Variants in LINGO2 observed in about 807,000 individuals in gnomAD.
LINGO2 encodes leucine-rich repeat and immunoglobulin-like domain-containing nogo receptor-interacting protein 2.
A neutral mutation model predicts 30.6 loss-of-function variants in LINGO2; 14 were observed. That is an observed-to-expected ratio of 0.46 (90% CI 0.30 to 0.72). LINGO2 has a LOEUF of 0.72. Among genes scored for constraint, LINGO2 ranks in the 30% least tolerant of loss-of-function variants. The probability of loss-of-function intolerance (pLI) is 0.07; values close to 1 mark genes in which losing one functional copy is unlikely to be tolerated. For synonymous variants in LINGO2, 317 were observed against 288.5 expected (o/e 1.10, Z -1.00); for missense variants, 729 against 751.7 (o/e 0.97, Z 0.35).
At chr9:29,179,956 TA>T in the LINGO2 span, among the ~76,000 whole-genome samples, 1 of 152,210 alleles carries the variant, frequency 6.6e-6, no homozygotes, top group Non-Finnish European at 1.5e-5. Flanking sequence ...AATTAGCAGT[TA>T]AAAGGGAGCA....
intron 1 of LINGO2, among the ~76,000 whole-genome samples, chr9:28,562,028 C>A (rs141722257): frequency 3.0e-4 from 46 of 151,792 alleles, no homozygotes; most frequent in African/African-American, 1.0e-3. Context: ...TCTGCAATAG[C>A]CACTTTGAAC....
At chr9:28,993,042 C>T in the LINGO2 span, among the ~76,000 whole-genome samples, 1 of 151,880 alleles carries the variant, frequency 6.6e-6, no homozygotes, top group African/African-American at 2.4e-5. Context: ...AATAGAGACA[C>T]AAAAAACCCT....
the LINGO2 span, among the ~76,000 whole-genome samples, chr9:28,773,946 G>C: frequency 1.3e-5 from 2 of 151,708 alleles, no homozygotes; most frequent in African/African-American, 4.8e-5. Context: ...TATAACTGAG[G>C]AATTGGTATT....
At chr9:28,555,489 A>G (rs1044223832) in intron 1 of LINGO2, among the ~76,000 whole-genome samples, 1 of 151,904 alleles carries the variant, frequency 6.6e-6, no homozygotes, top group Non-Finnish European at 1.5e-5. Context: ...AGGATCTGAA[A>G]TTGTGGCAAT....
intron 1 of LINGO2, among the ~76,000 whole-genome samples, chr9:28,481,584 C>T (rs13295434): frequency 3.3e-5 from 5 of 152,034 alleles, no homozygotes; most frequent in East Asian, 3.9e-4. Context: ...GAAATGCTGT[C>T]GCCCTCCTCT....
intron 5 of LINGO2, among the ~76,000 whole-genome samples, chr9:27,995,881 A>C (rs1309713798): frequency 6.6e-6 from 1 of 152,202 alleles, no homozygotes; most frequent in Admixed American, 6.5e-5. Context: ...ATACAGCAGA[A>C]AGAGATACAA....
chr9:28,266,528 A>C (rs551768411), intron 4 of LINGO2, among the ~76,000 whole-genome samples: 1 of 152,114 alleles, frequency 6.6e-6, no homozygotes, highest in South Asian at 2.1e-4. Flanking sequence ...ATTTCAAATC[A>C]GTTAACAGAA....
chr9:28,098,737 T>C (rs1826323331), intron 4 of LINGO2, among the ~76,000 whole-genome samples: 1 of 152,122 alleles, frequency 6.6e-6, no homozygotes. Flanking sequence ...TTATAAAATA[T>C]CAAGAGTTCA....
the LINGO2 span, among the ~76,000 whole-genome samples, chr9:28,718,399 T>C: frequency 6.6e-6 from 1 of 152,022 alleles, no homozygotes. Context: ...ATACATAAAC[T>C]ACACAACCTC....
chr9:29,198,693 T>C, the LINGO2 span, among the ~76,000 whole-genome samples: 1 of 152,010 alleles, frequency 6.6e-6, no homozygotes, highest in Non-Finnish European at 1.5e-5. Context: ...TTAGCTACAG[T>C]CTCCCTGGGA....
At chr9:28,871,424 T>G in the LINGO2 span, among the ~76,000 whole-genome samples, 3 of 151,628 alleles carry the variant, frequency 2.0e-5, no homozygotes, top group East Asian at 5.8e-4. Context: ...GAATGGAAAG[T>G]GGGAGGGAAA....
At chr9:28,748,794 AG>A in the LINGO2 span, among the ~76,000 whole-genome samples, 1 of 151,958 alleles carries the variant, frequency 6.6e-6, no homozygotes, top group Non-Finnish European at 1.5e-5. Flanking sequence ...AACCTTTAGC[AG>A]AAGTATAGAC....
chr9:28,363,418 A>G (rs1701424706), intron 3 of LINGO2, among the ~76,000 whole-genome samples: 1 of 152,220 alleles, frequency 6.6e-6, no homozygotes, highest in African/African-American at 2.4e-5. Context: ...CTCTGCTAGT[A>G]TGTAATTTGA....
chr9:28,405,396 G>A (rs1216727463), intron 2 of LINGO2, among the ~76,000 whole-genome samples: 1 of 152,054 alleles, frequency 6.6e-6, no homozygotes, highest in Non-Finnish European at 1.5e-5. Context: ...CTTCATTCCT[G>A]TCTTCTCAGG....
the LINGO2 span, among the ~76,000 whole-genome samples, chr9:29,202,346 A>G: frequency 2.0e-5 from 3 of 152,028 alleles, no homozygotes. Flanking sequence ...AGTTGCATGA[A>G]TCCCAACGTG....
intron 4 of LINGO2, among the ~76,000 whole-genome samples, chr9:28,265,036 T>A (rs117140897): frequency 6.6e-6 from 1 of 152,048 alleles, no homozygotes; most frequent in East Asian, 1.9e-4. Flanking sequence ...AAACTCAAGA[T>A]GACAATATCA....
chr9:28,520,900 T>G (rs959226869), intron 1 of LINGO2, among the ~76,000 whole-genome samples: 3 of 152,214 alleles, frequency 2.0e-5, no homozygotes, highest in Non-Finnish European at 4.4e-5. Context: ...AATATTAGCA[T>G]TGAAGATGTG....
At chr9:28,963,686 C>A in the LINGO2 span, among the ~76,000 whole-genome samples, 1 of 151,632 alleles carries the variant, frequency 6.6e-6, no homozygotes, top group African/African-American at 2.4e-5. Flanking sequence ...TGCAGAAAGA[C>A]AAATACCATA....
chr9:27,963,760 A>C (rs930014751), intron 5 of LINGO2, among the ~76,000 whole-genome samples: 12 of 151,260 alleles, frequency 7.9e-5, no homozygotes, highest in Non-Finnish European at 1.3e-4. Context: ...AAAAGCAAGC[A>C]AAGGTTTTAA....
Sources: gnomAD v4.1 joint callset for allele counts (sites outside exome capture counted in the v4.1 genomes callset) on GRCh38, gnomAD v4.1.1 for gene constraint, MANE v1.5 for transcripts, NCBI Gene and HGNC (gene_info 2026-07-23, HGNC 2026-07-21) for gene names.